SOX6: variants seen among roughly 807,000 people sequenced by gnomAD.
The protein encoded by SOX6 is transcription factor SOX-6.
Under a neutral mutation model 97.8 loss-of-function variants are expected in SOX6, and 11 were observed. The ratio of observed to expected loss-of-function variants is 0.11; its 90% CI spans 0.07 to 0.19. The LOEUF (loss-of-function observed/expected upper bound fraction) is 0.19, where lower values mean the gene tolerates loss of function less well. Among genes scored for constraint, SOX6 ranks in the 10% least tolerant of loss-of-function variants. The pLI is 1.00. For missense variants in SOX6, 810 were observed against 1,039.5 expected, an observed-to-expected ratio of 0.78 and a Z score of 3.04; for synonymous variants, 360 against 371.4, an observed-to-expected ratio of 0.97 and a Z score of 0.35.
chr11:16,084,242 C>A (rs887717497), intron 9 of SOX6, among the ~76,000 whole-genome samples: 1 of 152,130 alleles, frequency 6.6e-6, no homozygotes, highest in Non-Finnish European at 1.5e-5. Flanking sequence ...ACACACACAT[C>A]TCAAATGATT....
intron 6 of SOX6, among the ~76,000 whole-genome samples, chr11:16,132,130 T>C (rs971789598): frequency 4.6e-5 from 7 of 151,380 alleles, no homozygotes; most frequent in South Asian, 2.1e-4. Flanking sequence ...AGGAAAATTA[T>C]GTAATTTACC....
At chr11:16,176,264 T>C (rs1187404809) in intron 6 of SOX6, among the ~76,000 whole-genome samples, 1 of 151,940 alleles carries the variant, frequency 6.6e-6, no homozygotes, top group Non-Finnish European at 1.5e-5. Flanking sequence ...ATACTCTCCA[T>C]GCTCAGACTG....
At chr11:15,996,991 TG>T (rs1854245502) in intron 13 of SOX6, among the ~76,000 whole-genome samples, 1 of 152,076 alleles carries the variant, frequency 6.6e-6, no homozygotes, top group Non-Finnish European at 1.5e-5. Context: ...CTAAGTAAGA[TG>T]GGTCAACAGA....
intron 1 of SOX6, among the ~76,000 whole-genome samples, chr11:16,472,619 T>C (rs571114331): frequency 1.3e-5 from 2 of 152,250 alleles, no homozygotes; most frequent in Non-Finnish European, 2.9e-5. Context: ...CAATTTATTA[T>C]TAAAACATTA....
At chr11:16,478,076 G>A (rs7937011), upstream of SOX6, among the ~76,000 whole-genome samples, 77,014 of 152,028 alleles carry the variant, frequency 0.51, 19,628 homozygotes, top group East Asian at 0.66. Flanking sequence ...CCATCCTCAC[G>A]TGCTATCCCC....
intron 6 of SOX6, among the ~76,000 whole-genome samples, chr11:16,182,578 T>C (rs1239992584): frequency 6.6e-6 from 1 of 151,934 alleles, no homozygotes; most frequent in Non-Finnish European, 1.5e-5. Context: ...CAAGATTTAA[T>C]TGTAAAGGCT....
intron 7 of SOX6, among the ~76,000 whole-genome samples, chr11:16,107,927 ATGTAGT>A (rs901498705): frequency 6.6e-5 from 10 of 152,226 alleles, no homozygotes; most frequent in African/African-American, 2.4e-4. Flanking sequence ...ATGGATAAGG[ATGTAGT>A]TTAACAGGCT....
intron 4 of SOX6, among the ~76,000 whole-genome samples, chr11:16,569,298 G>A (rs1847911562): frequency 6.6e-6 from 1 of 152,072 alleles, no homozygotes; most frequent in Non-Finnish European, 1.5e-5. Flanking sequence ...AAAACAAAAT[G>A]CCAGTGCAAC....
chr11:16,473,684 T>C (rs1435204620), intron 1 of SOX6, among the ~76,000 whole-genome samples: 2 of 151,988 alleles, frequency 1.3e-5, no homozygotes, highest in Non-Finnish European at 2.9e-5. Context: ...CCTGAGTAGC[T>C]GGGACTACAG....
intron 12 of SOX6, among the ~76,000 whole-genome samples, chr11:16,041,183 T>C (rs1855651725): frequency 6.6e-6 from 1 of 152,082 alleles, no homozygotes. Flanking sequence ...GTCTGTGAGC[T>C]ATAGAAGGAG....
intron 12 of SOX6, among the ~76,000 whole-genome samples, chr11:16,020,066 T>G (rs1308203236): frequency 6.6e-6 from 1 of 152,166 alleles, no homozygotes; most frequent in African/African-American, 2.4e-5. Flanking sequence ...AACTCTTTCC[T>G]AAACTGAAAG....
intron 1 of SOX6, among the ~76,000 whole-genome samples, chr11:16,404,169 CTG>C (rs1275157830): frequency 6.6e-6 from 1 of 151,706 alleles, no homozygotes; most frequent in African/African-American, 2.4e-5. Flanking sequence ...GGGTGAGGGT[CTG>C]TTTGTTTTTT....
At chr11:16,566,885 G>C (rs965920805) in intron 4 of SOX6, among the ~76,000 whole-genome samples, 9 of 152,296 alleles carry the variant, frequency 5.9e-5, no homozygotes, top group African/African-American at 2.2e-4. Context: ...AATGTTCATA[G>C]GAGCACTATT....
At chr11:15,998,405 A>C (rs1488486337) in intron 13 of SOX6, among the ~76,000 whole-genome samples, 1 of 103,224 alleles carries the variant, frequency 9.7e-6, no homozygotes, top group African/African-American at 2.7e-5. Context: ...CACTAAAAAC[A>C]AAACAACATT....
chr11:16,646,937 C>T (rs1327124012), intron 3 of SOX6, among the ~76,000 whole-genome samples: 1 of 152,202 alleles, frequency 6.6e-6, no homozygotes, highest in Non-Finnish European at 1.5e-5. Context: ...GTAGTTCTAC[C>T]TTTACTTCTT....
In SOX6 at chr11:16,147,933, T is replaced by G. The variant is rs750464654; in HGVS notation, c.777+35953A>C. Among the ~76,000 whole-genome samples, 4 of 152,206 alleles carry G rather than the reference T, an allele frequency of 2.6e-5. No individual in the cohort carries two copies. The South Asian group carries it at 6.2e-4, about 24-fold the overall frequency. On this transcript the variant is annotated intron_variant, in intron 6 of 15. Coordinates refer to ENST00000683767, the MANE Select transcript of SOX6 (RefSeq NM_001367873.1). ...GAAGATGTGAATTACCATGAACCTC[T>G]TGGTCTTTCACACACCTTTCAAAGG...
At chr11:16,100,530 G>C (rs1244701050) in intron 7 of SOX6, among the ~76,000 whole-genome samples, 1 of 151,654 alleles carries the variant, frequency 6.6e-6, no homozygotes, top group Admixed American at 6.6e-5. Context: ...AGTTTCACTT[G>C]TCAGAATAGG....
chr11:16,299,360 GT>G (rs1452467697), intron 3 of SOX6, among the ~76,000 whole-genome samples: 1 of 151,486 alleles, frequency 6.6e-6, no homozygotes, highest in Non-Finnish European at 1.5e-5. Context: ...AAAGCTGGTT[GT>G]TTTCAAAAAT....
At chr11:16,647,891 A>G (rs7481820) in intron 3 of SOX6, among the ~76,000 whole-genome samples, 25,265 of 152,158 alleles carry the variant, frequency 0.17, 2,754 homozygotes, top group East Asian at 0.32. Flanking sequence ...GCCATCCCTG[A>G]CTATATCTTA....
Sources: allele counts gnomAD v4.1 joint callset (sites outside exome capture counted in the v4.1 genomes callset), GRCh38; gene constraint gnomAD v4.1.1; transcripts MANE v1.5; gene names NCBI Gene and HGNC (gene_info 2026-07-23, HGNC 2026-07-21).